The following PTP4A1 variants were observed in gnomAD, a reference collection of about 807,000 sequenced individuals.
PTP4A1 encodes the protein protein tyrosine phosphatase type IVA 1.
Under a neutral mutation model 20.5 loss-of-function variants are expected in PTP4A1, and 9 were observed. The ratio of observed to expected loss-of-function variants is 0.44; its 90% CI spans 0.26 to 0.77. The LOEUF (loss-of-function observed/expected upper bound fraction) is 0.77, where lower values mean the gene tolerates loss of function less well. PTP4A1 is among the 30% of genes least tolerant of loss of function. PTP4A1 has a pLI of 0.19. For synonymous variants in PTP4A1, 78 were observed against 67.4 expected, an observed-to-expected ratio of 1.16 and a Z score of -0.77; for missense variants, 137 against 218.8, an observed-to-expected ratio of 0.63 and a Z score of 2.36.
At chr6:63,532,922 A>G (rs974509103) in intron 2 of PTP4A1, among the ~76,000 whole-genome samples, 2 of 152,232 alleles carry the variant, frequency 1.3e-5, no homozygotes, top group Admixed American at 1.3e-4. Context: ...AATGTATTGC[A>G]CTAAGGTATT....
chr6:63,541,749 T>C (rs1447444777), intron 2 of PTP4A1, among the ~76,000 whole-genome samples: 1 of 152,174 alleles, frequency 6.6e-6, no homozygotes, highest in Non-Finnish European at 1.5e-5. Flanking sequence ...CATTTATTAA[T>C]ATATTTACCA....
At chr6:63,541,313 G>C (rs1427665725) in intron 2 of PTP4A1, among the ~76,000 whole-genome samples, 1 of 152,058 alleles carries the variant, frequency 6.6e-6, no homozygotes, top group Non-Finnish European at 1.5e-5. Flanking sequence ...GGAAAGGTTT[G>C]GGAGGTCAAG....
chr6:63,560,548 T>TA (rs1259614926), intron 3 of PTP4A1, among the ~76,000 whole-genome samples: 2 of 151,912 alleles, frequency 1.3e-5, no homozygotes, highest in East Asian at 3.9e-4. Flanking sequence ...TACAGGCGTG[T>TA]ACCACCATGG....
chr6:63,534,485 A>ACACT (rs1321585315), intron 2 of PTP4A1, among the ~76,000 whole-genome samples: 2 of 149,552 alleles, frequency 1.3e-5, no homozygotes, highest in Non-Finnish European at 3.0e-5. Context: ...ACACACACAC[A>ACACT]CCTCTAAAAC....
intron 1 of PTP4A1, among the ~76,000 whole-genome samples, chr6:63,527,594 T>C (rs992242984): frequency 6.6e-6 from 1 of 152,208 alleles, no homozygotes; most frequent in Non-Finnish European, 1.5e-5. Flanking sequence ...TCCCATACAT[T>C]AACTATTTAA....
intron 2 of PTP4A1, among the ~76,000 whole-genome samples, chr6:63,535,677 C>A (rs1775686487): frequency 6.6e-6 from 1 of 152,022 alleles, no homozygotes; most frequent in South Asian, 2.1e-4. Context: ...ATCATAAACA[C>A]ATTTATAGTA....
chr6:63,527,781 A>C (rs1377012178), intron 1 of PTP4A1: 1 of 152,184 alleles, frequency 6.6e-6, no homozygotes, highest in African/African-American at 2.4e-5. Flanking sequence ...GATAACAGTG[A>C]TGAGCTCACC....
intron 2 of PTP4A1, among the ~76,000 whole-genome samples, chr6:63,535,611 C>T (rs910104441): frequency 1.3e-5 from 2 of 152,000 alleles, no homozygotes; most frequent in East Asian, 1.9e-4. Context: ...TATGAGGTAT[C>T]GAATGTTAAT....
intron 2 of PTP4A1, among the ~76,000 whole-genome samples, chr6:63,539,972 G>A (rs986314715): frequency 6.6e-6 from 1 of 152,148 alleles, no homozygotes; most frequent in African/African-American, 2.4e-5. Context: ...AGGGTTTGGG[G>A]GTGGGAGTAA....
rs113906878 is a variant in PTP4A1, at chr6:63,580,728, A to AT, written c.*569dup. ...ATACGTCAGGTTTGCTTAACCATTG[A>AT]TTTTTTTTTTTTTTTACCAAGTCTT... On this transcript the variant is annotated 3_prime_UTR_variant, in exon 6 of 6. Coordinates refer to ENST00000626021, the MANE Select transcript of PTP4A1 (RefSeq NM_003463.5). The AT allele has an allele frequency of 0.09, 12,687 of 140,960 alleles. 601 individuals carry two copies. The highest frequency in any genetic ancestry group is 0.21 in the East Asian group (1,057 of 4,924). The allele number at this position is 140,960 out of a possible 1,614,324, so 8.7% of individuals were successfully genotyped here.
At chr6:63,567,054 A>T (rs1777221348) in intron 3 of PTP4A1, among the ~76,000 whole-genome samples, 1 of 152,144 alleles carries the variant, frequency 6.6e-6, no homozygotes, top group Non-Finnish European at 1.5e-5. Flanking sequence ...CTCTGTTTCT[A>T]ACTCCAATTG....
At chr6:63,522,612 G>A (rs985499538) in intron 1 of PTP4A1, among the ~76,000 whole-genome samples, 1 of 152,166 alleles carries the variant, frequency 6.6e-6, no homozygotes. Flanking sequence ...TTAGTTAAAA[G>A]AACACAATAG....
chr6:63,532,957 C>A (rs1373068694), intron 2 of PTP4A1, among the ~76,000 whole-genome samples: 1 of 152,156 alleles, frequency 6.6e-6, no homozygotes, highest in Non-Finnish European at 1.5e-5. Flanking sequence ...AGCCTTCATC[C>A]TATGGCATGG....
intron 2 of PTP4A1, among the ~76,000 whole-genome samples, chr6:63,540,378 T>C (rs1270742310): frequency 6.6e-6 from 1 of 152,074 alleles, no homozygotes; most frequent in Non-Finnish European, 1.5e-5. Context: ...CCCAGCACTT[T>C]GGGAGGCTGA....
intron 1 of PTP4A1, among the ~76,000 whole-genome samples, chr6:63,574,381 A>G (rs1777709936): frequency 6.6e-6 from 1 of 152,152 alleles, no homozygotes; most frequent in Non-Finnish European, 1.5e-5. Flanking sequence ...AAAAATCCCC[A>G]TTATGGATAG....
chr6:63,556,187 AT>A (rs1776678776), intron 3 of PTP4A1, among the ~76,000 whole-genome samples: 1 of 151,976 alleles, frequency 6.6e-6, no homozygotes, highest in African/African-American at 2.4e-5. Context: ...TGATTTATTT[AT>A]TTTGAGACAG....
upstream of PTP4A1, among the ~76,000 whole-genome samples, chr6:63,569,947 A>T (rs1777348810): frequency 6.6e-6 from 1 of 152,230 alleles, no homozygotes; most frequent in Non-Finnish European, 1.5e-5. Flanking sequence ...ACTGTTCTCC[A>T]AGAATCTGCA....
chr6:63,535,886 C>A (rs1046068897), intron 2 of PTP4A1, among the ~76,000 whole-genome samples: 1 of 152,198 alleles, frequency 6.6e-6, no homozygotes, highest in Admixed American at 6.5e-5. Flanking sequence ...AATTCTCCTG[C>A]TTCAGCCTCC....
chr6:63,528,255 T>C (rs1440318710), intron 2 of PTP4A1, among the ~76,000 whole-genome samples: 5 of 152,136 alleles, frequency 3.3e-5, no homozygotes, highest in Non-Finnish European at 7.4e-5. Flanking sequence ...ATGGTGTAGA[T>C]GACTTGAGCA....
Sources: gnomAD v4.1 joint callset for allele counts (sites outside exome capture counted in the v4.1 genomes callset) on GRCh38, gnomAD v4.1.1 for gene constraint, MANE v1.5 for transcripts, NCBI Gene and HGNC (gene_info 2026-07-23, HGNC 2026-07-21) for gene names.